The following PLPP4 variants were observed in gnomAD, a reference collection of about 807,000 sequenced individuals.
The protein encoded by PLPP4 is diacylglycerol pyrophosphate like 2.
In PLPP4, 20 loss-of-function variants were observed where a neutral mutation model predicts 32.2. The observed-to-expected ratio is 0.62, with a 90% CI of 0.44 to 0.90. The LOEUF (loss-of-function observed/expected upper bound fraction) is 0.90, where lower values mean the gene tolerates loss of function less well. PLPP4 is among the 40% of genes least tolerant of loss of function. The probability of loss-of-function intolerance (pLI) is 0.00; values close to 1 mark genes in which losing one functional copy is unlikely to be tolerated. For missense variants in PLPP4, 257 were observed against 353.1 expected, an observed-to-expected ratio of 0.73 and a Z score of 2.18; for synonymous variants, 127 against 133.0, an observed-to-expected ratio of 0.95 and a Z score of 0.31.
At position 120,551,624 on chromosome 10, in the gene PLPP4, T is replaced by C. The variant is rs186006580; in HGVS notation, c.446-23507T>C. Among the ~76,000 whole-genome samples the C allele has an allele frequency of 2.6e-5, 4 of 152,296 alleles. No homozygotes were observed. In the East Asian group the frequency reaches 5.8e-4, roughly 22 times the overall value. ...GCTATAATATTCTGTTTATATGCAG[T>C]CCAAGCACAATCAAAACTAGTCTAT... On this transcript the variant is annotated intron_variant, in intron 5 of 6. Coordinates refer to ENST00000398250, the MANE Select transcript of PLPP4 (RefSeq NM_001030059.3).
rs574253436 is a variant in PLPP4, at chr10:120,542,215, G to A, written c.445+21120G>A. Among the ~76,000 whole-genome samples the A allele has an allele frequency of 4.6e-5, 7 of 152,316 alleles. No homozygotes were observed. The South Asian group carries it at 8.3e-4, about 18-fold the overall frequency. ...TGCACCCATACCGACAGAGGTCACC[G>A]AGGCAGGAACACCCAGGGTGAGGTC... On this transcript the variant is annotated intron_variant, in intron 5 of 6. Transcript: ENST00000398250.
intron 6 of PLPP4, among the ~76,000 whole-genome samples, chr10:120,586,958 T>G (rs1411517035): frequency 6.6e-6 from 1 of 152,116 alleles, no homozygotes; most frequent in Non-Finnish European, 1.5e-5. Flanking sequence ...AGAAATGACA[T>G]TGAGCTCTGA....
intron 6 of PLPP4, among the ~76,000 whole-genome samples, chr10:120,582,772 T>G (rs1169497981): frequency 3.5e-5 from 1 of 28,516 alleles, no homozygotes; most frequent in African/African-American, 1.3e-4. Context: ...CCTCCCTCCC[T>G]TCCTCCCTCC....
chr10:120,494,845 C>G (rs184794428), intron 1 of PLPP4, among the ~76,000 whole-genome samples: 377 of 152,348 alleles, frequency 2.5e-3, no homozygotes, highest in African/African-American at 8.3e-3. Context: ...CTGCAAAAAT[C>G]TGATCTCAGT....
At chr10:120,493,846 G>A (rs1695565672) in intron 1 of PLPP4, among the ~76,000 whole-genome samples, 1 of 152,132 alleles carries the variant, frequency 6.6e-6, no homozygotes, top group Non-Finnish European at 1.5e-5. Context: ...CACAGCCCAG[G>A]GGAGGAGTAC....
intron 5 of PLPP4, among the ~76,000 whole-genome samples, chr10:120,573,440 A>G (rs11596919): frequency 0.45 from 68,200 of 152,042 alleles, 15,717 homozygotes; most frequent in Non-Finnish European, 0.51. Context: ...CAGGTTGTTC[A>G]CTGTTTGGTA....
chr10:120,580,571 T>TA (rs1266585996), intron 6 of PLPP4, among the ~76,000 whole-genome samples: 4 of 151,632 alleles, frequency 2.6e-5, no homozygotes, highest in Non-Finnish European at 4.4e-5. Context: ...ATGTAAGCCT[T>TA]ACGCTGAGTA....
intron 5 of PLPP4, among the ~76,000 whole-genome samples, chr10:120,528,987 TC>T (rs1276326507): frequency 1.4e-5 from 2 of 146,228 alleles, no homozygotes; most frequent in East Asian, 4.0e-4. Flanking sequence ...TTTTTTTTTT[TC>T]CCTAATGATT....
chr10:120,497,061 C>A (rs138743517), intron 1 of PLPP4, among the ~76,000 whole-genome samples: 1 of 152,002 alleles, frequency 6.6e-6, no homozygotes, highest in Non-Finnish European at 1.5e-5. Flanking sequence ...GATGCCAAGG[C>A]GGTTAAAGGC....
intron 5 of PLPP4, among the ~76,000 whole-genome samples, chr10:120,563,636 T>C (rs112714843): frequency 0.05 from 7,462 of 148,432 alleles, 246 homozygotes; most frequent in Admixed American, 0.096. Flanking sequence ...CCGTCTCTAC[T>C]AAAAATACAA....
At chr10:120,553,661 A>G (rs967257494) in intron 5 of PLPP4, among the ~76,000 whole-genome samples, 19 of 152,324 alleles carry the variant, frequency 1.2e-4, no homozygotes, top group Admixed American at 4.6e-4. Flanking sequence ...CCAAGCCTCA[A>G]CTCTTGCCCT....
intron 6 of PLPP4, among the ~76,000 whole-genome samples, chr10:120,584,348 A>G (rs368861356): frequency 6.6e-6 from 1 of 152,322 alleles, no homozygotes; most frequent in East Asian, 1.9e-4. Flanking sequence ...CAAATTGCTG[A>G]TACGGCTGTC....
rs1479897398 is a variant in PLPP4, at chr10:120,475,331, C to T, written c.56+17970C>T. ...CTCAGTGGCAGAGCTGGGCCCAGCACCTCAATGTCTTGACTTTTGGCCCAC... is the reference window on the plus strand; with the variant it reads ...CTCAGTGGCAGAGCTGGGCCCAGCATCTCAATGTCTTGACTTTTGGCCCAC... On this transcript the variant is annotated intron_variant, in intron 1 of 6. Transcript: ENST00000398250. 3.3e-5 allele frequency among the ~76,000 whole-genome samples: 5 copies of T among 152,194 alleles called. No individual in the cohort carries two copies. The East Asian group carries it at 9.6e-4, about 29-fold the overall frequency.
intron 5 of PLPP4, among the ~76,000 whole-genome samples, chr10:120,543,991 A>G (rs1847488697): frequency 6.6e-6 from 1 of 152,114 alleles, no homozygotes; most frequent in African/African-American, 2.4e-5. Flanking sequence ...TGTGTACGTG[A>G]CATTTTGTTT....
Position 120,517,981 on chromosome 10 carries a change from G to C in PLPP4, c.257-852G>C, listed in dbSNP as rs985395924. On this transcript the variant is annotated intron_variant, in intron 3 of 6. Coordinates refer to ENST00000398250, the MANE Select transcript of PLPP4 (RefSeq NM_001030059.3). ...TATTATTCAACAAAGCAGTGGATGG[G>C]GCATCAATAGGTTTGTACTGCTTCT... 3.3e-5 allele frequency among the ~76,000 whole-genome samples: 5 copies of C among 152,208 alleles called. No homozygotes were observed. The South Asian group carries it at 1.0e-3, about 32-fold the overall frequency.
chr10:120,464,105 A>G (rs1848204971), intron 1 of PLPP4, among the ~76,000 whole-genome samples: 1 of 152,210 alleles, frequency 6.6e-6, no homozygotes, highest in Admixed American at 6.5e-5. Context: ...GTGCCTAACC[A>G]AATCCTGGTT....
At chr10:120,550,573 G>T (rs1354095138) in intron 5 of PLPP4, among the ~76,000 whole-genome samples, 2 of 151,716 alleles carry the variant, frequency 1.3e-5, no homozygotes, top group Non-Finnish European at 2.9e-5. Context: ...GTTAAGGACA[G>T]ATAAATAGAT....
chr10:120,476,662 C>T lies in PLPP4; in HGVS notation c.56+19301C>T, dbSNP rs149591544. Among the ~76,000 whole-genome samples the T allele has an allele frequency of 3.9e-3, 591 of 152,244 alleles. 6 individuals carry two copies. Among genetic ancestry groups the T allele is most frequent in the Non-Finnish European group, 6.7e-3 (457 of 68,022 alleles). On this transcript the variant is annotated intron_variant, in intron 1 of 6. Transcript: ENST00000398250. ...GCAATCCAGTCTAGTGGTGATGATC[C>T]GAGCATCAGGAGCCAGAATGTGTGG...
chr10:120,491,007 G>A (rs1010080893), intron 1 of PLPP4, among the ~76,000 whole-genome samples: 3 of 152,166 alleles, frequency 2.0e-5, no homozygotes, highest in Non-Finnish European at 4.4e-5. Flanking sequence ...TCTGCTCAGG[G>A]TTATGTCCTA....
Sources: allele counts gnomAD v4.1 joint callset (sites outside exome capture counted in the v4.1 genomes callset), GRCh38; gene constraint gnomAD v4.1.1; transcripts MANE v1.5; gene names NCBI Gene and HGNC (gene_info 2026-07-23, HGNC 2026-07-21).